SLC22A3: variants seen among roughly 807,000 people sequenced by gnomAD.
SLC22A3 encodes the protein EMT organic cation transporter 3.
Under a neutral mutation model 59.1 loss-of-function variants are expected in SLC22A3, and 51 were observed. The ratio of observed to expected loss-of-function variants is 0.86; its 90% confidence interval spans 0.69 to 1.09. The LOEUF is 1.09. SLC22A3 is among the 50% of genes least tolerant of loss of function. The pLI is 0.00. For missense variants in SLC22A3, 711 were observed against 726.3 expected (o/e 0.98, Z 0.24); for synonymous variants, 325 against 292.0 (o/e 1.11, Z -1.15).
Position 160,451,338 on chromosome 6 carries a change from G to A in SLC22A3, c.*282G>A, listed in dbSNP as rs1583526864. ...TGGGTTTTTTTCTTGTGTTCCCTGT[G>A]GTCTCTGACCCATTAGGCTAAAGAG... On this transcript the variant is annotated 3_prime_UTR_variant, in exon 11 of 11. Coordinates refer to ENST00000275300, the MANE Select transcript of SLC22A3 (RefSeq NM_021977.4). The A allele has an allele frequency of 4.8e-6, 2 of 414,564 alleles. No homozygotes were observed. The highest frequency in any genetic ancestry group is 4.8e-5 in the East Asian group (1 of 21,050). 25.7% of individuals were successfully genotyped at this position (414,564 alleles called of 1,614,324 possible). A position where few individuals can be genotyped will look rare whatever the true frequency, so the allele number is the denominator to read the frequency against.
At chr6:160,392,298 A>C (rs1217828875) in intron 1 of SLC22A3, among the ~76,000 whole-genome samples, 2 of 152,128 alleles carry the variant, frequency 1.3e-5, no homozygotes, top group Non-Finnish European at 2.9e-5. Context: ...AATCCAGCTC[A>C]TTGTGGGACC....
intron 1 of SLC22A3, among the ~76,000 whole-genome samples, chr6:160,353,343 G>A (rs984709160): frequency 6.6e-6 from 1 of 152,224 alleles, no homozygotes; most frequent in African/African-American, 2.4e-5. Context: ...CATCAGTTCA[G>A]CTGAAGTTTA....
chr6:160,432,850 C>T (rs998943517), intron 5 of SLC22A3, among the ~76,000 whole-genome samples: 2 of 152,200 alleles, frequency 1.3e-5, no homozygotes, highest in African/African-American at 4.8e-5. Flanking sequence ...CTATCAACCT[C>T]CTGGTTCATC....
At chr6:160,351,671 C>A (rs1784665081) in intron 1 of SLC22A3, among the ~76,000 whole-genome samples, 2 of 152,146 alleles carry the variant, frequency 1.3e-5, no homozygotes, top group Admixed American at 1.3e-4. Flanking sequence ...AAACTTGAAG[C>A]CTAAGATACA....
At chr6:160,387,766 C>A (rs1402026919) in intron 1 of SLC22A3, among the ~76,000 whole-genome samples, 1 of 152,076 alleles carries the variant, frequency 6.6e-6, no homozygotes, top group African/African-American at 2.4e-5. Flanking sequence ...TAAAGAAAAC[C>A]AAACAAAAAT....
At chr6:160,350,620 AGAT>A (rs1416165252) in intron 1 of SLC22A3, among the ~76,000 whole-genome samples, 2 of 152,220 alleles carry the variant, frequency 1.3e-5, no homozygotes, top group African/African-American at 4.8e-5. Context: ...AGACATTTAA[AGAT>A]GAAGAATAAA....
chr6:160,407,136 TC>T lies in SLC22A3; in HGVS notation c.630del (p.Phe211SerfsTer14). 1 of 1,612,476 alleles carries T rather than the reference TC, an allele frequency of 6.2e-7. No individual in the cohort carries two copies. Among genetic ancestry groups the T allele is most frequent in the African/African-American group, 1.3e-5 (1 of 74,856 alleles). On this transcript the variant is annotated frameshift_variant, in exon 3 of 11. Coordinates refer to ENST00000275300, the MANE Select transcript of SLC22A3 (RefSeq NM_021977.4). LOFTEE classifies it high-confidence loss of function. ...GCACCAAACTTCCCTGTGTTTGTGA[TC>T]TTCCGCTTCCTGCAAGGTGTATTTG... The part of the protein sequence containing the change: ...AFAPNFPVFV[I>X]FRFLQGVFGK...
At chr6:160,424,227 AAG>A (rs1787866547) in intron 5 of SLC22A3, among the ~76,000 whole-genome samples, 1 of 152,240 alleles carries the variant, frequency 6.6e-6, no homozygotes, top group Non-Finnish European at 1.5e-5. Context: ...ATTAGCAACC[AAG>A]CCTTGTCTGT....
In SLC22A3 at chr6:160,443,606, T is replaced by C. The variant is rs766284401; in HGVS notation, c.1398-24T>C. The C allele has an allele frequency of 1.9e-5, 28 of 1,505,960 alleles. No homozygotes were observed. In the South Asian group the frequency reaches 2.5e-4, roughly 13 times the overall value. 93.3% of individuals were successfully genotyped at this position (1,505,960 alleles called of 1,614,324 possible). A position where few individuals can be genotyped will look rare whatever the true frequency, so the allele number is the denominator to read the frequency against. The stretch of plus-strand genomic sequence containing the variant: ...AGTCACTTGTTGAAATAGTTTTCAC[T>C]TAAAATTACTTTTCATTCAACAGAA... On this transcript the variant is annotated intron_variant, in intron 8 of 10. Coordinates refer to ENST00000275300, the MANE Select transcript of SLC22A3 (RefSeq NM_021977.4).
chr6:160,424,759 T>C (rs1450357563), intron 5 of SLC22A3, among the ~76,000 whole-genome samples: 12 of 152,244 alleles, frequency 7.9e-5, no homozygotes, highest in Admixed American at 7.8e-4. Context: ...CTTGGCCTTT[T>C]CTGGCTTACA....
chr6:160,443,028 G>A (rs1273309214), intron 8 of SLC22A3, among the ~76,000 whole-genome samples, 159 bp downstream of exon 8: 1 of 152,208 alleles, frequency 6.6e-6, no homozygotes, highest in African/African-American at 2.4e-5. Flanking sequence ...AGTTATCACT[G>A]CTTTCTGCAT....
At chr6:160,405,184 A>G (rs1343855812) in intron 2 of SLC22A3, among the ~76,000 whole-genome samples, 3 of 152,168 alleles carry the variant, frequency 2.0e-5, no homozygotes, top group Non-Finnish European at 4.4e-5. Context: ...TCCAAAATAT[A>G]TAAAGAACTC....
intron 1 of SLC22A3, among the ~76,000 whole-genome samples, chr6:160,383,439 C>T (rs962647088): frequency 6.6e-6 from 1 of 152,148 alleles, no homozygotes; most frequent in African/African-American, 2.4e-5. Flanking sequence ...CTGGGGGGCC[C>T]TTCCCGCTTT....
Position 160,410,728 on chromosome 6 carries a change from G to A in SLC22A3, c.858-1G>A. 6.2e-7 allele frequency: 1 copy of A among 1,603,732 alleles called. No homozygotes were observed. The highest frequency in any genetic ancestry group is 8.5e-7 in the Non-Finnish European group (1 of 1,170,860). On this transcript the variant is annotated splice_acceptor_variant, in intron 4 of 10. Coordinates refer to ENST00000275300, the MANE Select transcript of SLC22A3 (RefSeq NM_021977.4). LOFTEE classifies it high-confidence loss of function. ...CTCACAACAGCCTCCTTCTTTGCCA[G>A]GGTGGTCCCTGAGTCTCCCCGTTGG...
At chr6:160,393,567 G>T (rs1428547291) in intron 1 of SLC22A3, among the ~76,000 whole-genome samples, 1 of 151,446 alleles carries the variant, frequency 6.6e-6, no homozygotes, top group Non-Finnish European at 1.5e-5. Flanking sequence ...GTGATAGTTT[G>T]CTGAGAATGA....
intron 5 of SLC22A3, among the ~76,000 whole-genome samples, chr6:160,430,514 TAATC>T (rs1184175803): frequency 1.3e-5 from 2 of 152,286 alleles, no homozygotes; most frequent in South Asian, 4.1e-4. Context: ...AGAGCTGAAT[TAATC>T]AAAGAAAGAC....
intron 2 of SLC22A3, among the ~76,000 whole-genome samples, chr6:160,404,911 TA>T (rs918300564): frequency 6.8e-6 from 1 of 146,486 alleles, no homozygotes; most frequent in Non-Finnish European, 1.5e-5. Flanking sequence ...TTACACCCTT[TA>T]AAAAAAATGG....
chr6:160,446,609 C>T (rs1788755257), intron 9 of SLC22A3, among the ~76,000 whole-genome samples: 1 of 152,170 alleles, frequency 6.6e-6, no homozygotes, highest in Non-Finnish European at 1.5e-5. Context: ...AGTCACCTCC[C>T]ACCAGGTCCC....
At chr6:160,400,984 G>GAAAAAAAAAAAA (rs58532600) in intron 2 of SLC22A3, among the ~76,000 whole-genome samples, 1 of 78,558 alleles carries the variant, frequency 1.3e-5, no homozygotes, top group African/African-American at 5.4e-5. Flanking sequence ...CTCCAAAACT[G>GAAAAAAAAAAAA]AAAAAAAAAA....
Sources: gnomAD v4.1 joint callset for allele counts (sites outside exome capture counted in the v4.1 genomes callset) on GRCh38, gnomAD v4.1.1 for gene constraint, MANE v1.5 for transcripts, NCBI Gene and HGNC (gene_info 2026-07-23, HGNC 2026-07-21) for gene names.